Variants in ELMO1 observed in about 807,000 individuals in gnomAD.
The protein encoded by ELMO1 is engulfment and cell motility 1, also known as engulfment and cell motility protein 1.
ELMO1 carries 26 observed loss-of-function variants against 98.9 expected under a neutral mutation model. The ratio of observed to expected loss-of-function variants is 0.26; its 90% CI spans 0.19 to 0.36. The LOEUF is 0.36. Among genes scored for constraint, ELMO1 ranks in the 10% least tolerant of loss-of-function variants. The pLI is 1.00. For missense variants in ELMO1, 627 were observed against 935.2 expected, an observed-to-expected ratio of 0.67 and a Z score of 4.30; for synonymous variants, 346 against 346.0, an observed-to-expected ratio of 1.00 and a Z score of 0.00.
At position 37,175,181 on chromosome 7, in the gene ELMO1, G is replaced by A. The variant is rs535229103; in HGVS notation, c.1086+36205C>T. On this transcript the variant is annotated intron_variant, in intron 13 of 21. Coordinates refer to ENST00000310758, the MANE Select transcript of ELMO1 (RefSeq NM_014800.11). ...AATAATAAGGAGACAAAGAAAAGGA[G>A]TGAAAGAAAAATAGGTTGGGTAGTT... Among the ~76,000 whole-genome samples, 13 of 152,290 alleles carry A rather than the reference G, an allele frequency of 8.5e-5. No individual in the cohort carries two copies. In the East Asian group the frequency reaches 2.1e-3, roughly 25 times the overall value.
intron 13 of ELMO1, among the ~76,000 whole-genome samples, chr7:37,145,052 A>G (rs1787894844): frequency 6.6e-6 from 1 of 152,224 alleles, no homozygotes; most frequent in Admixed American, 6.5e-5. Flanking sequence ...GGAGAGTAGC[A>G]GTGCTCAAAC....
chr7:36,885,587 T>C (rs1230691251), intron 18 of ELMO1, among the ~76,000 whole-genome samples: 2 of 152,124 alleles, frequency 1.3e-5, no homozygotes, highest in African/African-American at 4.8e-5. Context: ...TAAGTAAAAA[T>C]CTTATAAATC....
intron 16 of ELMO1, among the ~76,000 whole-genome samples, chr7:36,899,111 C>T (rs567621125): frequency 1.4e-3 from 211 of 152,130 alleles, no homozygotes; most frequent in African/African-American, 4.8e-3. Context: ...AAGTGTTCAG[C>T]GGTCTTGTTT....
chr7:37,367,141 C>T (rs1334686835), intron 1 of ELMO1, among the ~76,000 whole-genome samples: 1 of 152,234 alleles, frequency 6.6e-6, no homozygotes, highest in Non-Finnish European at 1.5e-5. Flanking sequence ...CATTCATCTG[C>T]TGTTCCTGAA....
chr7:37,167,360 T>G (rs1249887123), intron 13 of ELMO1, among the ~76,000 whole-genome samples: 1 of 152,122 alleles, frequency 6.6e-6, no homozygotes, highest in Non-Finnish European at 1.5e-5. Context: ...TAGTGTTATG[T>G]GTGAATTTGA....
intron 16 of ELMO1, among the ~76,000 whole-genome samples, chr7:36,937,481 A>T (rs1786649336): frequency 6.6e-6 from 1 of 152,220 alleles, no homozygotes; most frequent in Non-Finnish European, 1.5e-5. Flanking sequence ...AGGAGACCAT[A>T]ACTTTCTCAT....
chr7:37,219,519 G>A (rs1351981821), intron 10 of ELMO1, among the ~76,000 whole-genome samples: 12 of 152,206 alleles, frequency 7.9e-5, no homozygotes, highest in Non-Finnish European at 1.6e-4. Context: ...TAGTGTTCCT[G>A]CAAATCCAGT....
chr7:37,163,962 A>G (rs1789434266), intron 13 of ELMO1, among the ~76,000 whole-genome samples: 1 of 152,216 alleles, frequency 6.6e-6, no homozygotes, highest in South Asian at 2.1e-4. Flanking sequence ...CAACAGTGTA[A>G]TAGTGTTCCT....
At chr7:37,043,704 G>T (rs1584556926) in intron 15 of ELMO1, among the ~76,000 whole-genome samples, 1 of 152,156 alleles carries the variant, frequency 6.6e-6, no homozygotes, top group African/African-American at 2.4e-5. Context: ...TTATCCGAAA[G>T]GTTCCCGGTG....
chr7:37,375,834 T>C (rs1583648858), intron 1 of ELMO1: 1 of 779,020 alleles, frequency 1.3e-6, no homozygotes, highest in Non-Finnish European at 2.2e-6. Flanking sequence ...CTGGCAGGCC[T>C]CGGCCTAAAG....
At chr7:36,950,112 T>C (rs1171269556) in intron 16 of ELMO1, among the ~76,000 whole-genome samples, 1 of 147,818 alleles carries the variant, frequency 6.8e-6, no homozygotes, top group Non-Finnish European at 1.5e-5. Context: ...CAGCTCCCTG[T>C]ATATCCTAAA....
chr7:37,272,490 A>G (rs1796615139), intron 4 of ELMO1, among the ~76,000 whole-genome samples: 1 of 152,218 alleles, frequency 6.6e-6, no homozygotes, highest in South Asian at 2.1e-4. Context: ...CAGTATGGCG[A>G]AACCCCGTCT....
chr7:36,904,799 C>T (rs1290161029), intron 16 of ELMO1, among the ~76,000 whole-genome samples: 2 of 152,216 alleles, frequency 1.3e-5, no homozygotes. Context: ...GGGGTCGTCG[C>T]TTTCTCTTTG....
chr7:36,917,298 A>T (rs1007957019), intron 16 of ELMO1, among the ~76,000 whole-genome samples: 2 of 152,226 alleles, frequency 1.3e-5, no homozygotes, highest in African/African-American at 4.8e-5. Context: ...AAGATACTTA[A>T]ATCACTAACC....
intron 16 of ELMO1, among the ~76,000 whole-genome samples, chr7:36,992,160 C>T (rs1441158298): frequency 6.6e-6 from 1 of 152,216 alleles, no homozygotes; most frequent in Non-Finnish European, 1.5e-5. Context: ...ACACCAGGAT[C>T]CACAAAATGC....
At chr7:37,322,020 C>A (rs1279369370) in intron 2 of ELMO1, among the ~76,000 whole-genome samples, 1 of 151,592 alleles carries the variant, frequency 6.6e-6, no homozygotes, top group African/African-American at 2.4e-5. Flanking sequence ...CCACCACAGT[C>A]GGCTAATTTT....
At chr7:37,350,248 G>A (rs931754174) in intron 1 of ELMO1, among the ~76,000 whole-genome samples, 1 of 152,252 alleles carries the variant, frequency 6.6e-6, no homozygotes, top group Non-Finnish European at 1.5e-5. Flanking sequence ...GGAATCCAGT[G>A]TGGAGGCTCA....
At position 37,153,007 on chromosome 7, in the gene ELMO1, C is replaced by T. The variant is rs564818763; in HGVS notation, c.1087-19773G>A. ...CACACGTGGGGAAGGATCCATCAAG[C>T]TGCTCAGAGAAGGAGTGAGGGGCAG... On this transcript the variant is annotated intron_variant, in intron 13 of 21. Transcript: ENST00000310758. 3.9e-5 allele frequency among the ~76,000 whole-genome samples: 6 copies of T among 152,256 alleles called. No homozygotes were observed. The South Asian group carries it at 8.3e-4, about 21-fold the overall frequency.
At chr7:37,052,391 T>C (rs915906819) in intron 15 of ELMO1, among the ~76,000 whole-genome samples, 5 of 152,238 alleles carry the variant, frequency 3.3e-5, no homozygotes, top group South Asian at 2.1e-4. Context: ...TTGTATGTAT[T>C]AGAGAAATAA....
Sources: gnomAD v4.1 joint callset for allele counts (sites outside exome capture counted in the v4.1 genomes callset) on GRCh38, gnomAD v4.1.1 for gene constraint, MANE v1.5 for transcripts, NCBI Gene and HGNC (gene_info 2026-07-23, HGNC 2026-07-21) for gene names.